HPN: variants seen among roughly 807,000 people sequenced by gnomAD.
HPN encodes the protein hepsin.
A neutral mutation model predicts 55.9 loss-of-function variants in HPN; 13 were observed. That is an observed-to-expected ratio of 0.23 (90% CI 0.15 to 0.37). HPN has a LOEUF of 0.37. HPN is among the 10% of genes least tolerant of loss of function. The probability of loss-of-function intolerance (pLI) is 1.00; values close to 1 mark genes in which losing one functional copy is unlikely to be tolerated. For synonymous variants in HPN, 225 were observed against 240.3 expected (o/e 0.94, Z 0.59); for missense variants, 451 against 575.8 (o/e 0.78, Z 2.22).
At chr19:35,044,696 A>G (rs772845282) in intron 2 of HPN, among the ~76,000 whole-genome samples, 1 of 152,170 alleles carries the variant, frequency 6.6e-6, no homozygotes, top group African/African-American at 2.4e-5. Context: ...TCTGAAAGCC[A>G]TGCTTATACC....
chr19:35,050,078 T>C (rs976978008), intron 4 of HPN, among the ~76,000 whole-genome samples: 13 of 152,116 alleles, frequency 8.5e-5, no homozygotes, highest in Non-Finnish European at 1.5e-5. Flanking sequence ...AGGCATGATA[T>C]AAATTCAGTG....
At chr19:35,062,066 A>AAG (rs1425460487) in intron 9 of HPN, among the ~76,000 whole-genome samples, 1 of 145,032 alleles carries the variant, frequency 6.9e-6, no homozygotes, top group Non-Finnish European at 1.5e-5. Context: ...TGTTAAAAAA[A>AAG]GAAGAAAGAA....
In HPN at chr19:35,066,456, G is replaced by C; in HGVS notation, c.*169G>C. The stretch of plus-strand genomic sequence containing the variant: ...CAGTGGCGGGCCCACTCAGCCCCGA[G>C]ACCACCCAACCTCACCCTCCTGACC... On this transcript the variant is annotated 3_prime_UTR_variant, in exon 13 of 13. Coordinates refer to ENST00000672452, the MANE Select transcript of HPN (RefSeq NM_001384133.1). 2 of 838,286 alleles carry C rather than the reference G, an allele frequency of 2.4e-6. No homozygotes were observed. 51.9% of individuals were successfully genotyped at this position (838,286 alleles called of 1,614,324 possible).
intron 4 of HPN, among the ~76,000 whole-genome samples, chr19:35,050,840 T>C (rs1258218194): frequency 1.3e-5 from 2 of 152,204 alleles, no homozygotes; most frequent in East Asian, 3.9e-4. Flanking sequence ...TGGGACCTTA[T>C]GATATCAACT....
intron 9 of HPN, among the ~76,000 whole-genome samples, chr19:35,063,790 G>C (rs1378452996): frequency 1.3e-5 from 2 of 152,228 alleles, no homozygotes; most frequent in African/African-American, 4.8e-5. Context: ...GGGGGTCACA[G>C]CATGGGCTTT....
intron 4 of HPN, among the ~76,000 whole-genome samples, chr19:35,058,435 C>T (rs1042917264): frequency 4.7e-5 from 7 of 148,674 alleles, no homozygotes; most frequent in African/African-American, 1.7e-4. Context: ...ATCTCGGCCT[C>T]CCAAATAAAT....
chr19:35,066,100 G>A, intron 12 of HPN, 68 bp downstream of exon 12: 1 of 1,611,456 alleles, frequency 6.2e-7, no homozygotes, highest in Admixed American at 1.7e-5. Flanking sequence ...AAGGGAGGCA[G>A]AGATTTGTTT....
At chr19:35,062,662 C>T (rs1018480157) in intron 9 of HPN, among the ~76,000 whole-genome samples, 9 of 152,078 alleles carry the variant, frequency 5.9e-5, no homozygotes, top group Non-Finnish European at 1.2e-4. Context: ...GTGGGGGTAT[C>T]GCTTGAGCTC....
chr19:35,048,080 G>GAAAGAA (rs1555722997), intron 2 of HPN, among the ~76,000 whole-genome samples: 54 of 36,492 alleles, frequency 1.5e-3, no homozygotes, highest in African/African-American at 3.7e-3. Context: ...AAGAAAGAAA[G>GAAAGAA]AAAAGGAAGG....
intron 4 of HPN, among the ~76,000 whole-genome samples, chr19:35,050,093 C>G (rs1041265676): frequency 6.6e-6 from 1 of 152,036 alleles, no homozygotes; most frequent in African/African-American, 2.4e-5. Context: ...TCAGTGGACC[C>G]TTCTAACTCT....
At chr19:35,046,064 G>C (rs1216664827) in intron 2 of HPN, among the ~76,000 whole-genome samples, 2 of 152,152 alleles carry the variant, frequency 1.3e-5, no homozygotes, top group Non-Finnish European at 2.9e-5. Flanking sequence ...TGGCTGTCGG[G>C]AGCCAAGACC....
intron 4 of HPN, among the ~76,000 whole-genome samples, chr19:35,051,576 G>A (rs2064405768): frequency 6.6e-6 from 1 of 152,130 alleles, no homozygotes; most frequent in Non-Finnish European, 1.5e-5. Flanking sequence ...GCACAGAAAG[G>A]CTGAGTGACT....
At chr19:35,048,082 A>AAGAAAG (rs111546288) in intron 2 of HPN, among the ~76,000 whole-genome samples, 3 of 97,034 alleles carry the variant, frequency 3.1e-5, no homozygotes, top group Middle Eastern at 4.7e-3. Flanking sequence ...GAAAGAAAGA[A>AAGAAAG]AAGGAAGGAA....
intron 2 of HPN, among the ~76,000 whole-genome samples, chr19:35,045,738 A>G (rs1348721329): frequency 3.3e-5 from 5 of 150,730 alleles, no homozygotes; most frequent in African/African-American, 1.2e-4. Context: ...CAGTAGAGAC[A>G]CGCAGGGAGG....
At chr19:35,056,050 C>T (rs1440203425) in intron 4 of HPN, among the ~76,000 whole-genome samples, 1 of 152,202 alleles carries the variant, frequency 6.6e-6, no homozygotes, top group Non-Finnish European at 1.5e-5. Flanking sequence ...CAGTCCCCCA[C>T]ACCAGCCTTG....
Position 35,060,532 on chromosome 19 carries a change from G to A in HPN, c.620+20G>A, listed in dbSNP as rs376696619. The A allele has an allele frequency of 3.1e-6, 5 of 1,611,852 alleles. No individual in the cohort carries two copies. The highest frequency in any genetic ancestry group is 1.1e-5 in the South Asian group (1 of 91,026). ...CCCGGAGTGAGTGCCCCCCAATGGC[G>A]CTGATGATGGGGAGGCAGAGGAGCG... On this transcript the variant is annotated intron_variant, in intron 8 of 12. Transcript: ENST00000672452.
At position 35,065,565 on chromosome 19, in the gene HPN, G is replaced by A. The variant is rs1404817970; in HGVS notation, c.934G>A (p.Ala312Thr). The change falls in exon 11 of 13, where the codon GCT (alanine) becomes ACT (threonine). Residue 312 changes from alanine to threonine, a missense_variant. By Grantham distance (58) the Ala-to-Thr change is moderately conservative (BLOSUM62 0). Around this residue, in one of 2 missense-constraint regions of HPN, gnomAD observed 378 missense variants for 445.5 expected, o/e 0.85. Transcript: ENST00000672452. ...YGQQAGVLQEARVPIISNDVC... is the reference protein window; with the variant it reads ...YGQQAGVLQETRVPIISNDVC... ...CCAACAGGCCGGGGTACTCCAGGAG[G>A]CTCGAGTCCCCATAATCAGCAATGA... 6.2e-7 allele frequency: 1 copy of A among 1,613,966 alleles called. No individual in the cohort carries two copies. Among genetic ancestry groups the A allele is most frequent in the Non-Finnish European group, 8.5e-7 (1 of 1,180,028 alleles).
Position 35,059,820 on chromosome 19 carries a change from AG to A in HPN, c.290+22del. 1 of 1,543,592 alleles carries A rather than the reference AG, an allele frequency of 6.5e-7. No homozygotes were observed. The highest frequency in any genetic ancestry group is 1.4e-5 in the African/African-American group (1 of 73,874). ...TTCCTCAGGTACTGGGGGCCCTCGGAGGGGTGGGAGCCGGGAGGGGCTGGGG... is the reference window on the plus strand; with the variant it reads ...TTCCTCAGGTACTGGGGGCCCTCGGAGGGTGGGAGCCGGGAGGGGCTGGGG... On this transcript the variant is annotated intron_variant, in intron 5 of 12. Transcript: ENST00000672452.
At chr19:35,041,518 G>C (rs918593605), upstream of HPN, 1 of 512,080 alleles carries the variant, frequency 2.0e-6, no homozygotes, top group Admixed American at 6.4e-5. Flanking sequence ...CCTCCGGCCA[G>C]GCCTGTCCCT....
Sources: gnomAD v4.1 joint callset for allele counts (sites outside exome capture counted in the v4.1 genomes callset) on GRCh38, gnomAD v4.1.1 for gene constraint, gnomAD v4.1.1 regional missense constraint, MANE v1.5 for transcripts, NCBI Gene and HGNC (gene_info 2026-07-23, HGNC 2026-07-21) for gene names.